The following GPR158 variants were observed in gnomAD, a reference collection of about 807,000 sequenced individuals.
The protein encoded by GPR158 is metabotropic glycine receptor.
In GPR158, 30 loss-of-function variants were observed where a neutral mutation model predicts 78.2. That is an observed-to-expected ratio of 0.38 (90% CI 0.29 to 0.52). The LOEUF (loss-of-function observed/expected upper bound fraction) is 0.52. Ranked by LOEUF, GPR158 falls within the 20% of genes least tolerant of loss-of-function variation. GPR158 has a pLI of 0.83. For missense variants in GPR158, 1,463 were observed against 1,523.5 expected (o/e 0.96, Z 0.66); for synonymous variants, 581 against 591.1 (o/e 0.98, Z 0.25).
intron 2 of GPR158, among the ~76,000 whole-genome samples, chr10:25,359,217 A>G (rs1239186550): frequency 1.3e-5 from 2 of 152,048 alleles, no homozygotes; most frequent in Non-Finnish European, 2.9e-5. Context: ...ATACACACAC[A>G]TATATATTTA....
chr10:25,270,720 G>A (rs868164441), intron 2 of GPR158, among the ~76,000 whole-genome samples: 2 of 151,918 alleles, frequency 1.3e-5, no homozygotes, highest in Non-Finnish European at 2.9e-5. Context: ...TCACCTTATC[G>A]AAGTCCCATT....
intron 5 of GPR158, among the ~76,000 whole-genome samples, chr10:25,504,251 A>T (rs1018745633): frequency 6.6e-6 from 1 of 152,200 alleles, no homozygotes; most frequent in Admixed American, 6.5e-5. Context: ...AGTGCCTGTT[A>T]TATGAATTCA....
chr10:25,310,874 A>G (rs557537294), intron 2 of GPR158, among the ~76,000 whole-genome samples: 43 of 152,098 alleles, frequency 2.8e-4, no homozygotes, highest in Non-Finnish European at 5.4e-4. Flanking sequence ...TTTTTGATAC[A>G]CTTGGAATTG....
At chr10:25,317,162 A>T (rs1253781442) in intron 2 of GPR158, among the ~76,000 whole-genome samples, 2 of 151,564 alleles carry the variant, frequency 1.3e-5, no homozygotes. Context: ...CTCCTGCCTC[A>T]GTCTCCTGAG....
intron 5 of GPR158, among the ~76,000 whole-genome samples, chr10:25,495,638 A>G (rs1835870671): frequency 6.6e-6 from 1 of 151,996 alleles, no homozygotes; most frequent in Non-Finnish European, 1.5e-5. Context: ...TCAACAGTAA[A>G]GAGAAATGAC....
At chr10:25,211,689 AC>A (rs1322119783) in intron 1 of GPR158, among the ~76,000 whole-genome samples, 1 of 142,600 alleles carries the variant, frequency 7.0e-6, no homozygotes, top group Non-Finnish European at 1.5e-5. Context: ...GCCTTCTGAT[AC>A]CCTGTCACAA....
intron 2 of GPR158, among the ~76,000 whole-genome samples, chr10:25,355,197 CT>C (rs1164522901): frequency 1.5e-5 from 2 of 129,238 alleles, no homozygotes; most frequent in African/African-American, 4.3e-5. Flanking sequence ...TAGCATTGGT[CT>C]TTAGGTAATC....
At chr10:25,510,576 T>G (rs1299060896) in intron 5 of GPR158, among the ~76,000 whole-genome samples, 4 of 152,200 alleles carry the variant, frequency 2.6e-5, no homozygotes, top group African/African-American at 4.8e-5. Context: ...TTCAATAGTT[T>G]TTTGGGGAAC....
intron 5 of GPR158, among the ~76,000 whole-genome samples, chr10:25,495,674 C>T (rs540139914): frequency 4.3e-4 from 66 of 152,012 alleles, no homozygotes; most frequent in African/African-American, 1.3e-3. Flanking sequence ...GGTATGTTGT[C>T]GGCGCATTTC....
chr10:25,259,272 C>T (rs1398642121), intron 2 of GPR158, among the ~76,000 whole-genome samples: 2 of 152,170 alleles, frequency 1.3e-5, no homozygotes, highest in African/African-American at 4.8e-5. Context: ...TCCAACAAGA[C>T]TTTATTTACA....
intron 4 of GPR158, among the ~76,000 whole-genome samples, chr10:25,433,588 T>A (rs202034101): frequency 1.4e-5 from 2 of 147,650 alleles, no homozygotes; most frequent in African/African-American, 2.5e-5. Flanking sequence ...CGCGTGCGCG[T>A]GCGCATATAT....
chr10:25,598,721 T>A lies in GPR158; in HGVS notation c.3095T>A (p.Val1032Glu), dbSNP rs1360443354. 6.2e-7 allele frequency: 1 copy of A among 1,614,090 alleles called. No individual in the cohort carries two copies. Among genetic ancestry groups the A allele is most frequent in the East Asian group, 2.2e-5 (1 of 44,848 alleles). The change falls in exon 11 of 11, where the codon GTG becomes GAG. Residue 1032 changes from valine (V) to glutamate (E), a missense_variant. Physicochemically the swap from Val to Glu is moderately radical, Grantham distance 121 (BLOSUM62 -2). Transcript: ENST00000376351. ...ESKVQKHVSI[V>E]ASEMEKNPTF... ...AAAGTTCAAAAGCACGTATCTATTG[T>A]GGCTTCTGAAATGGAGAAAAACCCC...
chr10:25,261,275 C>A (rs143215507), intron 2 of GPR158, among the ~76,000 whole-genome samples: 65 of 152,282 alleles, frequency 4.3e-4, no homozygotes, highest in Admixed American at 1.5e-3. Context: ...CCTGCCTTCT[C>A]ACTTTCCTCA....
chr10:25,425,335 G>T (rs1207113710), intron 4 of GPR158, among the ~76,000 whole-genome samples: 1 of 151,968 alleles, frequency 6.6e-6, no homozygotes, highest in African/African-American at 2.4e-5. Flanking sequence ...GCACATCCAT[G>T]CCAATGTCTA....
At chr10:25,480,043 CCTG>C (rs1188420781) in intron 5 of GPR158, among the ~76,000 whole-genome samples, 1 of 152,014 alleles carries the variant, frequency 6.6e-6, no homozygotes, top group African/African-American at 2.4e-5. Context: ...CCTCTACATC[CCTG>C]CTTTCTTGGA....
intron 2 of GPR158, among the ~76,000 whole-genome samples, chr10:25,241,991 T>C: frequency 6.6e-6 from 1 of 152,224 alleles, no homozygotes; most frequent in Non-Finnish European, 1.5e-5. Context: ...ACTTAACAAA[T>C]GTTGGCTAAG....
chr10:25,561,640 A>G lies in GPR158; in HGVS notation c.1514+10555A>G, dbSNP rs142436682. Among the ~76,000 whole-genome samples, 518 of 152,254 alleles carry G rather than the reference A, an allele frequency of 3.4e-3. 1 individual carries two copies. Among genetic ancestry groups the G allele is most frequent in the African/African-American group, 0.011 (439 of 41,524 alleles). ...AGCACAAACACCCAATGGCCATCAAATGTCCTTTATTTGCAATATTATTAC... is the reference window on the plus strand; with the variant it reads ...AGCACAAACACCCAATGGCCATCAAGTGTCCTTTATTTGCAATATTATTAC... On this transcript the variant is annotated intron_variant, in intron 6 of 10. Coordinates refer to ENST00000376351, the MANE Select transcript of GPR158 (RefSeq NM_020752.3).
chr10:25,555,767 T>A (rs1203465180), intron 6 of GPR158, among the ~76,000 whole-genome samples: 1 of 152,176 alleles, frequency 6.6e-6, no homozygotes, highest in Non-Finnish European at 1.5e-5. Flanking sequence ...ATACTTTTTT[T>A]TTGTACTATG....
chr10:25,446,404 G>T (rs567486408), intron 4 of GPR158, among the ~76,000 whole-genome samples: 1 of 152,272 alleles, frequency 6.6e-6, no homozygotes, highest in Non-Finnish European at 1.5e-5. Context: ...GAGAGTTCTT[G>T]CCTTCCAAAA....
Sources: allele counts gnomAD v4.1 joint callset (sites outside exome capture counted in the v4.1 genomes callset), GRCh38; gene constraint gnomAD v4.1.1; transcripts MANE v1.5; gene names NCBI Gene and HGNC (gene_info 2026-07-23, HGNC 2026-07-21).